ABRAXAS1: variants seen among roughly 807,000 people sequenced by gnomAD.
ABRAXAS1 encodes the protein BRCA1-A complex subunit Abraxas 1.
A neutral mutation model predicts 38.4 loss-of-function variants in ABRAXAS1; 26 were observed. The observed-to-expected ratio is 0.68, with a 90% CI of 0.50 to 0.94. The LOEUF is 0.94. ABRAXAS1 is among the 40% of genes least tolerant of loss of function. The probability of loss-of-function intolerance (pLI) is 0.00; values close to 1 mark genes in which losing one functional copy is unlikely to be tolerated. For missense variants in ABRAXAS1, 438 were observed against 481.9 expected (o/e 0.91, Z 0.85); for synonymous variants, 144 against 165.5 (o/e 0.87, Z 1.00).
At position 83,476,693 on chromosome 4, in the gene ABRAXAS1, A is replaced by G. The variant is rs1722782347; in HGVS notation, c.179-14T>C. ...ATTTCTGAATGTCTGGAAGAAAAGGATTTTTAGTTATGATTACATTAATTC... is the reference window on the plus strand; with the variant it reads ...ATTTCTGAATGTCTGGAAGAAAAGGGTTTTTAGTTATGATTACATTAATTC... On this transcript the variant is annotated splice_polypyrimidine_tract_variant and intron_variant, in intron 2 of 8. Coordinates refer to ENST00000321945, the MANE Select transcript of ABRAXAS1 (RefSeq NM_139076.3). 1.3e-6 allele frequency: 2 copies of G among 1,516,040 alleles called. No homozygotes were observed. Among genetic ancestry groups the G allele is most frequent in the Non-Finnish European group, 1.8e-6 (2 of 1,093,850 alleles). The allele number at this position is 1,516,040 out of a possible 1,614,324, so 93.9% of individuals were successfully genotyped here.
At chr4:83,481,179 C>T (rs142793229) in intron 2 of ABRAXAS1, among the ~76,000 whole-genome samples, 117 of 151,906 alleles carry the variant, frequency 7.7e-4, no homozygotes, top group African/African-American at 2.7e-3. Context: ...GAGGATTATG[C>T]AACATTGTAA....
intron 5 of ABRAXAS1, chr4:83,469,608 T>A (rs1722506040): frequency 5.8e-6 from 1 of 173,102 alleles, no homozygotes; most frequent in South Asian, 1.3e-4. Flanking sequence ...CATGTAAAGC[T>A]GTGAAATGTG....
chr4:83,474,287 G>C (rs1016177641), intron 3 of ABRAXAS1, among the ~76,000 whole-genome samples: 3 of 152,136 alleles, frequency 2.0e-5, no homozygotes, highest in African/African-American at 7.2e-5. Context: ...GTGGAAGTCT[G>C]CATCCTAATG....
chr4:83,470,385 A>C lies in ABRAXAS1; in HGVS notation c.294T>G (p.Gly98=). ...CTGAATGACGACGGAATTTGTACCA[A>C]CCTACCACATTCTGAAATACAGAAT... is the stretch of plus-strand genomic sequence containing the variant. ...ILSNVKKNVV[G]WYKFRRHSDQ... is the part of the protein sequence containing the mutation. Residue 98 remains glycine, a synonymous_variant, in exon 5 of 9, where the codon GGT becomes GGG. Coordinates refer to ENST00000321945, the MANE Select transcript of ABRAXAS1 (RefSeq NM_139076.3). 6.2e-7 allele frequency: 1 copy of C among 1,611,536 alleles called. No homozygotes were observed.
intron 2 of ABRAXAS1, chr4:83,477,889 TGGGGTAGTGTCAGGG>T (rs1722841142): frequency 1.1e-5 from 8 of 739,474 alleles, no homozygotes; most frequent in Non-Finnish European, 2.0e-5. Flanking sequence ...ACATGATCTG[TGGGGTAGTGTCAGGG>T]GTGATATTTT....
Position 83,462,456 on chromosome 4 carries a change from A to G in ABRAXAS1, c.*13T>C. ...CAGCCAAATAAAAAAATCTCCTTGT[A>G]AGGTTAAAAGGATCAAAATGTAGGA... On this transcript the variant is annotated 3_prime_UTR_variant, in exon 9 of 9. Transcript: ENST00000321945. 1 of 1,582,514 alleles carries G rather than the reference A, an allele frequency of 6.3e-7. No individual in the cohort carries two copies. The highest frequency in any genetic ancestry group is 8.6e-7 in the Non-Finnish European group (1 of 1,166,630).
At chr4:83,478,964 T>C (rs960232119) in intron 2 of ABRAXAS1, 4 of 152,154 alleles carry the variant, frequency 2.6e-5, no homozygotes, top group African/African-American at 9.7e-5. Flanking sequence ...CCTATCCTTT[T>C]CAGAGAAAAT....
chr4:83,476,679 T>C lies in ABRAXAS1; in HGVS notation c.179A>G (p.Asp60Gly). 1 of 1,558,178 alleles carries C rather than the reference T, an allele frequency of 6.4e-7. No individual in the cohort carries two copies. Among genetic ancestry groups the C allele is most frequent in the Non-Finnish European group, 8.8e-7 (1 of 1,130,894 alleles). ...MDDVEVVYTI[D>G]IQKYIPCYQL... is the part of the protein sequence containing the mutation. ...ATAGCATGGAATATATTTCTGAATGTCTGGAAGAAAAGGATTTTTAGTTAT... is the reference window on the plus strand; with the variant it reads ...ATAGCATGGAATATATTTCTGAATGCCTGGAAGAAAAGGATTTTTAGTTAT... Residue 60 changes from aspartate to glycine, a missense_variant and splice_region_variant, in exon 3 of 9, where the codon GAC becomes GGC. Around this residue, in one of 3 missense-constraint regions of ABRAXAS1, gnomAD observed 194 missense variants for 269.0 expected, o/e 0.72. Transcript: ENST00000321945.
At chr4:83,463,471 G>T in intron 8 of ABRAXAS1, 23 bp downstream of exon 8, 1 of 1,466,242 alleles carries the variant, frequency 6.8e-7, no homozygotes, top group South Asian at 1.2e-5. Flanking sequence ...AGCACAGAAA[G>T]TAGAGATGTG....
At position 83,460,952 on chromosome 4, in the gene ABRAXAS1, A is replaced by C; in HGVS notation, c.*1517T>G. 6.3e-7 allele frequency: 1 copy of C among 1,584,284 alleles called. No individual in the cohort carries two copies. Among genetic ancestry groups the C allele is most frequent in the Non-Finnish European group, 8.5e-7 (1 of 1,170,346 alleles). On this transcript the variant is annotated 3_prime_UTR_variant, in exon 9 of 9. Coordinates refer to ENST00000321945, the MANE Select transcript of ABRAXAS1 (RefSeq NM_139076.3). ...TAAATATTGACATTTTTTATGAATA[A>C]GAAAGCTTTTTATTTTACAGGTCTT...
chr4:83,484,937 C>A, intron 1 of ABRAXAS1, 49 bp downstream of exon 1: 1 of 1,474,810 alleles, frequency 6.8e-7, no homozygotes, highest in Non-Finnish European at 9.2e-7. Flanking sequence ...AGGCCGCGCG[C>A]AGGGCTCTTC....
rs1415231112 is a variant in ABRAXAS1, at chr4:83,467,473, G to A, written c.662C>T (p.Ser221Leu). Residue 221 changes from serine to leucine, a missense_variant, in exon 7 of 9, where the codon TCA becomes TTA. Ser to Leu is a moderately radical substitution (Grantham distance 145, BLOSUM62 -2). Coordinates refer to ENST00000321945, the MANE Select transcript of ABRAXAS1 (RefSeq NM_139076.3). ...EVHKINEMYASLQEELKSICK... is the reference protein window; with the variant it reads ...EVHKINEMYALLQEELKSICK... ...ACTTACCTTTAATTCCTCTTGTAAT[G>A]AAGCATACATTTCATTTATCTTATG... The A allele has an allele frequency of 5.2e-6, 8 of 1,540,870 alleles. No homozygotes were observed. The highest frequency in any genetic ancestry group is 7.2e-6 in the Non-Finnish European group (8 of 1,116,336).
chr4:83,469,162 A>G lies in ABRAXAS1; in HGVS notation c.477-11T>C, dbSNP rs1287355962. The stretch of plus-strand genomic sequence containing the variant: ...ACCCTGTGAAAAAGTCTGACAAAAT[A>G]AAACTTTAGAGTATAAACTTAGAAT... On this transcript the variant is annotated splice_polypyrimidine_tract_variant and intron_variant, in intron 5 of 8. Coordinates refer to ENST00000321945, the MANE Select transcript of ABRAXAS1 (RefSeq NM_139076.3). 1.9e-6 allele frequency: 3 copies of G among 1,611,608 alleles called. No homozygotes were observed. In the African/African-American group the frequency reaches 4.0e-5, roughly 22 times the overall value.
chr4:83,470,472 A>G, intron 4 of ABRAXAS1, 76 bp from the exon 5 acceptor site: 3 of 1,045,434 alleles, frequency 2.9e-6, no homozygotes, highest in Non-Finnish European at 4.0e-6. Flanking sequence ...TAAATAAAAT[A>G]AACAACCTTA....
intron 5 of ABRAXAS1, chr4:83,469,435 G>C: frequency 3.5e-6 from 1 of 284,582 alleles, no homozygotes; most frequent in South Asian, 5.1e-5. Flanking sequence ...TCTTGCCTCA[G>C]CCTCCCAAGT....
rs781211655 is a variant in ABRAXAS1 at position 83,467,443 on chromosome 4, T to C, written c.681+11A>G. 2 of 1,410,154 alleles carry C rather than the reference T, an allele frequency of 1.4e-6. No homozygotes were observed. The highest frequency in any genetic ancestry group is 2.3e-5 in the East Asian group (1 of 43,726). 87.4% of individuals were successfully genotyped at this position (1,410,154 alleles called of 1,614,324 possible). A position where few individuals can be genotyped will look rare whatever the true frequency, so the allele number is the denominator to read the frequency against. Reference sequence around the variant, plus strand: ...CTAGAAGTGGTTGACGTGTTTGATATGTTAACTTACCTTTAATTCCTCTTG... The same window carrying C: ...CTAGAAGTGGTTGACGTGTTTGATACGTTAACTTACCTTTAATTCCTCTTG... On this transcript the variant is annotated intron_variant, in intron 7 of 8. Coordinates refer to ENST00000321945, the MANE Select transcript of ABRAXAS1 (RefSeq NM_139076.3).
chr4:83,467,597 A>G (rs2110037464), intron 6 of ABRAXAS1, 59 bp from the exon 7 acceptor site: 1 of 849,184 alleles, frequency 1.2e-6, no homozygotes, highest in Non-Finnish European at 2.0e-6. Context: ...TGATAAGGTG[A>G]AAAACTTATT....
At chr4:83,479,449 A>G (rs1002709822) in intron 2 of ABRAXAS1, 2 of 151,294 alleles carry the variant, frequency 1.3e-5, no homozygotes, top group South Asian at 2.1e-4. Context: ...GCACTTTTAT[A>G]TACTGTGGAG....
Position 83,462,399 on chromosome 4 carries a change from T to TA in ABRAXAS1, c.*69dup, listed in dbSNP as rs1418773241. ...ACTTACTGCAAGTAGCTCAACATAG[T>TA]AAAAACAATAGAAATGTTTGGCTTT... On this transcript the variant is annotated 3_prime_UTR_variant, in exon 9 of 9. Transcript: ENST00000321945. 1 of 1,378,546 alleles carries TA rather than the reference T, an allele frequency of 7.3e-7. No individual in the cohort carries two copies. Among genetic ancestry groups the TA allele is most frequent in the Non-Finnish European group, 9.9e-7 (1 of 1,006,994 alleles). The allele number at this position is 1,378,546 out of a possible 1,614,324, so 85.4% of individuals were successfully genotyped here. A position where few individuals can be genotyped will look rare whatever the true frequency, so the allele number is the denominator to read the frequency against.
Sources: gnomAD v4.1 joint callset for allele counts (sites outside exome capture counted in the v4.1 genomes callset) on GRCh38, gnomAD v4.1.1 for gene constraint, gnomAD v4.1.1 regional missense constraint, MANE v1.5 for transcripts, NCBI Gene and HGNC (gene_info 2026-07-23, HGNC 2026-07-21) for gene names.